Variants in NKAIN1 observed in about 807,000 individuals in gnomAD.
NKAIN1 encodes sodium/potassium-transporting ATPase subunit beta-1-interacting protein 1.
NKAIN1 carries 13 observed loss-of-function variants against 31.6 expected under a neutral mutation model. That is an observed-to-expected ratio of 0.41 (90% confidence interval 0.27 to 0.65). NKAIN1 has a LOEUF of 0.65. Among genes scored for constraint, NKAIN1 ranks in the 30% least tolerant of loss-of-function variants. The pLI is 0.30. For synonymous variants in NKAIN1, 104 were observed against 109.0 expected (o/e 0.95, Z 0.28); for missense variants, 193 against 262.2 (o/e 0.74, Z 1.82).
chr1:31,206,876 G>GGCAT (rs1645429054), intron 1 of NKAIN1, among the ~76,000 whole-genome samples: 1 of 152,088 alleles, frequency 6.6e-6, no homozygotes, highest in African/African-American at 2.4e-5. Flanking sequence ...TGGGACTATA[G>GGCAT]GCATGCACCA....
At chr1:31,195,743 A>C (rs2148352892) in intron 1 of NKAIN1, among the ~76,000 whole-genome samples, 1 of 149,694 alleles carries the variant, frequency 6.7e-6, no homozygotes, top group Non-Finnish European at 1.5e-5. Flanking sequence ...GCAACATGGC[A>C]TAAAGCCCCA....
At chr1:31,183,468 T>TTTTA (rs1645218995) in intron 4 of NKAIN1, among the ~76,000 whole-genome samples, 1 of 129,110 alleles carries the variant, frequency 7.7e-6, no homozygotes, top group African/African-American at 2.9e-5. Flanking sequence ...TTTTTTTTTT[T>TTTTA]ATGGAGTTTC....
intron 1 of NKAIN1, among the ~76,000 whole-genome samples, chr1:31,227,297 G>A (rs566828517): frequency 6.6e-6 from 1 of 152,210 alleles, no homozygotes; most frequent in Non-Finnish European, 1.5e-5. Flanking sequence ...AAATGGGTGT[G>A]ACAAAGTTCC....
chr1:31,223,969 G>A (rs1359983691), intron 1 of NKAIN1, among the ~76,000 whole-genome samples: 1 of 152,246 alleles, frequency 6.6e-6, no homozygotes, highest in East Asian at 1.9e-4. Context: ...AAGAAGCTCA[G>A]CAAGGAAGGG....
chr1:31,239,789 G>C lies in NKAIN1; in HGVS notation c.-242C>G, dbSNP rs901765730. 2.0e-5 allele frequency among the ~76,000 whole-genome samples: 3 copies of C among 151,712 alleles called. No individual in the cohort carries two copies. The highest frequency in any genetic ancestry group is 4.4e-5 in the Non-Finnish European group (3 of 67,898). ...CCGAGCCGCGCCTCCTTTGTCTAGC[G>C]GGCCGTCCGTCAGGCGCGCCTCCTG... On this transcript the variant is annotated 5_prime_UTR_variant, in exon 1 of 7. Coordinates refer to ENST00000373736, the MANE Select transcript of NKAIN1 (RefSeq NM_024522.3). This position sits in a 1 kb window ranked among gnomAD's most constrained non-coding sequence, Gnocchi z 4.8.
chr1:31,236,645 A>T (rs1410825556), intron 1 of NKAIN1, among the ~76,000 whole-genome samples: 1 of 152,294 alleles, frequency 6.6e-6, no homozygotes, highest in East Asian at 1.9e-4. Context: ...TTCCTCCCGC[A>T]AATGATCTTG....
In NKAIN1 at chr1:31,220,003, A is replaced by ACTTTTT. The variant is rs138578415; in HGVS notation, c.54+19490_54+19491insAAAAAG. Among the ~76,000 whole-genome samples, 5 of 127,784 alleles carry ACTTTTT rather than the reference A, an allele frequency of 3.9e-5. 2 individuals carry two copies. The highest frequency in any genetic ancestry group is 6.3e-5 in the Non-Finnish European group (4 of 63,226). 83.8% of individuals were successfully genotyped at this position (127,784 alleles called of 152,430 possible). The stretch of plus-strand genomic sequence containing the variant: ...GCTAAACCTGCTTCAGAACACTCAG[A>ACTTTTT]TTTTTTTTTTTTTTTTTTTTTGAGA... On this transcript the variant is annotated intron_variant, in intron 1 of 6. Transcript: ENST00000373736.
intron 1 of NKAIN1, among the ~76,000 whole-genome samples, chr1:31,191,319 G>A (rs1369180927): frequency 6.7e-6 from 1 of 150,048 alleles, no homozygotes; most frequent in Non-Finnish European, 1.5e-5. Flanking sequence ...CACCTAAGAG[G>A]TGATATCATC....
At position 31,233,201 on chromosome 1, in the gene NKAIN1, C is replaced by T. The variant is rs1203664153; in HGVS notation, c.54+6293G>A. 3.3e-5 allele frequency among the ~76,000 whole-genome samples: 5 copies of T among 152,102 alleles called. No individual in the cohort carries two copies. Among genetic ancestry groups the T allele is most frequent in the East Asian group, 1.9e-4 (1 of 5,182 alleles). Reference sequence around the variant, plus strand: ...CTGATCTCAAGTGATCTGCATGCCTCGGCCTCCCAAAGTGCTGGGATTACA... The same window carrying T: ...CTGATCTCAAGTGATCTGCATGCCTTGGCCTCCCAAAGTGCTGGGATTACA... On this transcript the variant is annotated intron_variant, in intron 1 of 6. Transcript: ENST00000373736. This position sits in a 1 kb window ranked among gnomAD's most constrained non-coding sequence, Gnocchi z 4.0.
In NKAIN1 at chr1:31,233,875, C is replaced by CAGAG. The variant is rs1239122982; in HGVS notation, c.54+5615_54+5618dup. On this transcript the variant is annotated intron_variant, in intron 1 of 6. Transcript: ENST00000373736. This position sits in a 1 kb window ranked among gnomAD's most constrained non-coding sequence, Gnocchi z 4.0. ...TCTGACTACTTTGTAAGTAAGAAGG[C>CAGAG]AGAGGCTCAGAGAGGGTGCAGGACT... is the stretch of plus-strand genomic sequence containing the variant. Among the ~76,000 whole-genome samples, 1 of 152,208 alleles carries CAGAG rather than the reference C, an allele frequency of 6.6e-6. No homozygotes were observed. The highest frequency in any genetic ancestry group is 1.5e-5 in the Non-Finnish European group (1 of 68,036).
At chr1:31,185,206 G>A (rs117650046) in intron 3 of NKAIN1, 41 bp downstream of exon 3, 1 of 1,530,070 alleles carries the variant, frequency 6.5e-7, no homozygotes, top group East Asian at 2.3e-5. Context: ...GATGGGAATG[G>A]TCAGGCTCTG....
At chr1:31,216,115 A>C (rs577887308) in intron 1 of NKAIN1, among the ~76,000 whole-genome samples, 1 of 151,442 alleles carries the variant, frequency 6.6e-6, no homozygotes, top group Admixed American at 6.5e-5. Flanking sequence ...TCTATCTCGC[A>C]GGCAGGCTGG....
Position 31,239,359 on chromosome 1 carries a change from A to C in NKAIN1, c.54+135T>G. The C allele has an allele frequency of 3.8e-6, 2 of 522,178 alleles. No individual in the cohort carries two copies. The highest frequency in any genetic ancestry group is 5.9e-6 in the Non-Finnish European group (2 of 337,668). The allele number at this position is 522,178 out of a possible 1,614,324, so 32.3% of individuals were successfully genotyped here. A position where few individuals can be genotyped will look rare whatever the true frequency, so the allele number is the denominator to read the frequency against. ...GCAGGCTCCGCCCGACCGCTCCGAG[A>C]CTCCAGACCACCCCCCGCCCGGGCA... On this transcript the variant is annotated intron_variant, in intron 1 of 6. Coordinates refer to ENST00000373736, the MANE Select transcript of NKAIN1 (RefSeq NM_024522.3). This position sits in a 1 kb window ranked among gnomAD's most constrained non-coding sequence, Gnocchi z 4.8.
At position 31,192,555 on chromosome 1, in the gene NKAIN1, A is replaced by T. The variant is rs201750705; in HGVS notation, c.55-4368T>A. On this transcript the variant is annotated intron_variant, in intron 1 of 6. Coordinates refer to ENST00000373736, the MANE Select transcript of NKAIN1 (RefSeq NM_024522.3). ...CGATGGTGAGTGCAGATTTAAATGA[A>T]TTTTTTTTTTTTTGAGATGGAGTCT... Among the ~76,000 whole-genome samples the T allele has an allele frequency of 4.3e-3, 632 of 146,744 alleles. 35 individuals are homozygous for T. The East Asian group carries it at 0.1, about 23-fold the overall frequency.
At chr1:31,198,047 A>G (rs534355165) in intron 1 of NKAIN1, among the ~76,000 whole-genome samples, 1 of 152,140 alleles carries the variant, frequency 6.6e-6, no homozygotes, top group South Asian at 2.1e-4. Flanking sequence ...ACACTCTTTT[A>G]CACACTATTT....
intron 1 of NKAIN1, among the ~76,000 whole-genome samples, chr1:31,209,203 G>A (rs1645447789): frequency 6.6e-6 from 1 of 152,104 alleles, no homozygotes; most frequent in African/African-American, 2.4e-5. Flanking sequence ...GGTGAAACCT[G>A]GTCTCTACTA....
chr1:31,191,028 C>T (rs575547246), intron 1 of NKAIN1, among the ~76,000 whole-genome samples: 9 of 152,328 alleles, frequency 5.9e-5, no homozygotes, highest in South Asian at 2.1e-4. Context: ...CAGTGGCTCA[C>T]GCCTGTAATC....
intron 1 of NKAIN1, among the ~76,000 whole-genome samples, chr1:31,198,775 C>T (rs1484365513): frequency 7.2e-6 from 1 of 139,648 alleles, no homozygotes; most frequent in East Asian, 2.3e-4. Flanking sequence ...AAGGGGGATG[C>T]CGTTGCCATA....
intron 1 of NKAIN1, among the ~76,000 whole-genome samples, chr1:31,218,074 T>TCTTTCTTTCTCTTTCTTTCTTTC (rs1570472285): frequency 6.7e-6 from 1 of 148,384 alleles, no homozygotes; most frequent in African/African-American, 2.5e-5. Flanking sequence ...CTTTCTTTTT[T>TCTTTCTTTCTCTTTCTTTCTTTC]TTTTTTGAGA....
Sources: allele counts gnomAD v4.1 joint callset (sites outside exome capture counted in the v4.1 genomes callset), GRCh38; gene constraint gnomAD v4.1.1; non-coding constraint Gnocchi (gnomAD v3.1); transcripts MANE v1.5; gene names NCBI Gene and HGNC (gene_info 2026-07-23, HGNC 2026-07-21).